The following DOT1L variants were observed in gnomAD, a reference collection of about 807,000 sequenced individuals.
DOT1L encodes the protein DOT1 like histone lysine methyltransferase.
In DOT1L, 33 loss-of-function variants were observed where a neutral mutation model predicts 153.3. The observed-to-expected ratio is 0.22, with a 90% CI of 0.16 to 0.29. DOT1L has a LOEUF of 0.29. DOT1L is among the 10% of genes least tolerant of loss of function. The pLI is 1.00. For missense variants in DOT1L, 1,847 were observed against 2,119.9 expected, an observed-to-expected ratio of 0.87 and a Z score of 2.53; for synonymous variants, 1,135 against 965.1, an observed-to-expected ratio of 1.18 and a Z score of -3.26.
chr19:2,230,344 C>A lies in DOT1L; in HGVS notation c.*552C>A. 2.4e-6 allele frequency: 1 copy of A among 413,706 alleles called. No homozygotes were observed. 25.6% of individuals were successfully genotyped at this position (413,706 alleles called of 1,614,324 possible). A position where few individuals can be genotyped will look rare whatever the true frequency, so the allele number is the denominator to read the frequency against. ...GGCCTCCCCGCGGCCTGAGCCCCTT[C>A]CTGAGCGCCCTGGCGCCTGCCCTGA... On this transcript the variant is annotated 3_prime_UTR_variant, in exon 28 of 28. Transcript: ENST00000398665.
Sources: allele counts gnomAD v4.1 joint callset, GRCh38; gene constraint gnomAD v4.1.1; transcripts MANE v1.5; gene names NCBI Gene and HGNC (gene_info 2026-07-23, HGNC 2026-07-21).